Variants in MYRFL observed in about 807,000 individuals in gnomAD.
The protein encoded by MYRFL is myelin regulatory factor-like protein.
Under a neutral mutation model 109.4 loss-of-function variants are expected in MYRFL, and 88 were observed. The observed-to-expected ratio is 0.80, with a 90% CI of 0.68 to 0.96. The LOEUF (loss-of-function observed/expected upper bound fraction) is 0.96, where lower values mean the gene tolerates loss of function less well. Ranked by LOEUF, MYRFL falls within the 40% of genes least tolerant of loss-of-function variation. MYRFL has a pLI of 0.00. For missense variants in MYRFL, 957 were observed against 954.9 expected, an observed-to-expected ratio of 1.00 and a Z score of -0.03; for synonymous variants, 324 against 320.9, an observed-to-expected ratio of 1.01 and a Z score of -0.10.
At chr12:69,948,620 T>C (rs1236120040) in intron 19 of MYRFL, among the ~76,000 whole-genome samples, 3 of 152,210 alleles carry the variant, frequency 2.0e-5, no homozygotes, top group African/African-American at 7.2e-5. Flanking sequence ...AAACTAATAG[T>C]AGAGACGTGT....
intron 1 of MYRFL, among the ~76,000 whole-genome samples, chr12:69,839,546 T>A (rs538371924): frequency 5.9e-5 from 9 of 152,358 alleles, no homozygotes; most frequent in African/African-American, 1.9e-4. Context: ...CAGGAACACG[T>A]ACATTATGTT....
intron 1 of MYRFL, among the ~76,000 whole-genome samples, chr12:69,840,024 A>G (rs1410479644): frequency 1.3e-5 from 2 of 152,194 alleles, no homozygotes; most frequent in African/African-American, 2.4e-5. Flanking sequence ...TAAAAGACCC[A>G]TGTCTTTGTC....
intron 13 of MYRFL, among the ~76,000 whole-genome samples, chr12:69,912,723 T>C (rs989935653): frequency 5.3e-5 from 8 of 152,224 alleles, no homozygotes; most frequent in Admixed American, 3.9e-4. Flanking sequence ...CTTGGGTTGC[T>C]TCCATGTTTT....
At chr12:69,841,259 T>C (rs554643907) in intron 1 of MYRFL, among the ~76,000 whole-genome samples, 2 of 152,294 alleles carry the variant, frequency 1.3e-5, no homozygotes, top group South Asian at 4.1e-4. Flanking sequence ...TTCTCTCATA[T>C]TTGCTATTTC....
At position 69,825,542 on chromosome 12, in the gene MYRFL, G is replaced by T. The variant is rs1286497661; in HGVS notation, c.25G>T (p.Ala9Ser). Reference sequence around the variant, plus strand: ...CATGGATGTGGTAGGCGAAAATGAGGCCCTGCAGCAGTTCTTTGAAGGTAA... The same window carrying T: ...CATGGATGTGGTAGGCGAAAATGAGTCCCTGCAGCAGTTCTTTGAAGGTAA... MDVVGENE[A>S]LQQFFEAQGA... Residue 9 changes from alanine (A) to serine (S), a missense_variant, in exon 1 of 25, where the codon GCC (alanine) becomes TCC (serine). Ala to Ser is a moderately conservative substitution (Grantham distance 99). Transcript: ENST00000552032. 7 of 701,952 alleles carry T rather than the reference G, an allele frequency of 1.0e-5. No homozygotes were observed. The East Asian group carries it at 1.9e-4, about 19-fold the overall frequency. 43.5% of individuals were successfully genotyped at this position (701,952 alleles called of 1,614,324 possible).
At chr12:69,899,181 G>A (rs978402265) in intron 10 of MYRFL, among the ~76,000 whole-genome samples, 1 of 152,114 alleles carries the variant, frequency 6.6e-6, no homozygotes, top group Non-Finnish European at 1.5e-5. Flanking sequence ...TACCCTAACA[G>A]CATTGAGAAG....
At chr12:69,936,021 A>C (rs1592864030) in intron 16 of MYRFL, 92 bp from the exon 17 acceptor site, 2 of 1,412,774 alleles carry the variant, frequency 1.4e-6, no homozygotes, top group East Asian at 2.5e-5. Context: ...CTGTGAGAGT[A>C]CATCTCTGGC....
intron 10 of MYRFL, among the ~76,000 whole-genome samples, chr12:69,903,280 C>A (rs1046567049): frequency 6.6e-6 from 1 of 152,118 alleles, no homozygotes; most frequent in Non-Finnish European, 1.5e-5. Flanking sequence ...ATATAATGTT[C>A]TGATTTTAAA....
At chr12:69,909,483 A>G (rs979133352) in intron 11 of MYRFL, among the ~76,000 whole-genome samples, 1 of 152,194 alleles carries the variant, frequency 6.6e-6, no homozygotes, top group Admixed American at 6.5e-5. Flanking sequence ...TTGTAATTCT[A>G]TTATGTTCCA....
rs562481558 is a variant in MYRFL, at chr12:69,886,617, C to A, written c.557-203C>A. 8.5e-5 allele frequency among the ~76,000 whole-genome samples: 13 copies of A among 152,152 alleles called. No individual in the cohort carries two copies. In the South Asian group the frequency reaches 2.5e-3, roughly 29 times the overall value. ...AAGTTTCCAACAGGTGTTTACCCCC[C>A]ACCCTTTGACAACGCTGACCCCAGG... On this transcript the variant is annotated intron_variant, in intron 5 of 24. Coordinates refer to ENST00000552032, the MANE Select transcript of MYRFL (RefSeq NM_182530.3).
At chr12:69,830,663 C>T (rs1335997185) in intron 1 of MYRFL, among the ~76,000 whole-genome samples, 2 of 152,036 alleles carry the variant, frequency 1.3e-5, no homozygotes, top group Non-Finnish European at 2.9e-5. Flanking sequence ...ATTATCTGAA[C>T]ATTTCTATGA....
chr12:69,905,929 CT>C (rs1424454441), intron 11 of MYRFL, among the ~76,000 whole-genome samples: 1 of 152,116 alleles, frequency 6.6e-6, no homozygotes, highest in East Asian at 1.9e-4. Context: ...GTTTTTGCAA[CT>C]TTTAAAAAGA....
Position 69,936,121 on chromosome 12 carries a change from C to T in MYRFL, c.1925C>T (p.Thr642Met), listed in dbSNP as rs543632642. 30 of 398,680 alleles carry T rather than the reference C, an allele frequency of 7.5e-5. No homozygotes were observed. Among genetic ancestry groups the T allele is most frequent in the East Asian group, 3.3e-4 (3 of 9,076 alleles). 24.7% of individuals were successfully genotyped at this position (398,680 alleles called of 1,614,324 possible). The change falls in exon 17 of 25, where the codon ACG (threonine) becomes ATG (methionine). Residue 642 changes from threonine to methionine, a missense_variant. Physicochemically the swap from Thr to Met is moderately conservative, Grantham distance 81. Coordinates refer to ENST00000552032, the MANE Select transcript of MYRFL (RefSeq NM_182530.3). ...LIAVMAFCAL[T>M]IVALYILSLK... ...TTTTTTTTTTTTGACAGTGCTTTGA[C>T]GATAGTTGCCCTCTATATACTTAGC...
chr12:69,943,555 T>C (rs1362992692), intron 19 of MYRFL, among the ~76,000 whole-genome samples: 2 of 151,388 alleles, frequency 1.3e-5, no homozygotes, highest in African/African-American at 2.4e-5. Flanking sequence ...AAGACTTACA[T>C]GTTAGACCTA....
intron 11 of MYRFL, among the ~76,000 whole-genome samples, chr12:69,907,363 A>G (rs757628891): frequency 1.3e-5 from 2 of 152,168 alleles, no homozygotes; most frequent in African/African-American, 2.4e-5. Flanking sequence ...CAGTTTAGAA[A>G]CCAGGGACCA....
chr12:69,949,781 G>C (rs1955931809), intron 19 of MYRFL, among the ~76,000 whole-genome samples: 1 of 151,996 alleles, frequency 6.6e-6, no homozygotes, highest in South Asian at 2.1e-4. Context: ...TAGACTTTAA[G>C]CTCAATTTTT....
At chr12:69,840,979 G>C (rs140497911) in intron 1 of MYRFL, among the ~76,000 whole-genome samples, 1 of 152,184 alleles carries the variant, frequency 6.6e-6, no homozygotes, top group Non-Finnish European at 1.5e-5. Flanking sequence ...CATGTCATGT[G>C]AAAGTCCAGC....
chr12:69,854,103 GGGAGGCC>G (rs1312034381), intron 1 of MYRFL, among the ~76,000 whole-genome samples: 1 of 152,224 alleles, frequency 6.6e-6, no homozygotes, highest in African/African-American at 2.4e-5. Flanking sequence ...CCGGCACCTC[GGGAGGCC>G]GAGGCGGGCA....
chr12:69,875,282 T>A (rs1045190173), intron 2 of MYRFL, among the ~76,000 whole-genome samples: 6 of 152,072 alleles, frequency 3.9e-5, no homozygotes, highest in African/African-American at 7.2e-5. Context: ...ATAATTTTTT[T>A]AAATTTTTAT....
Sources: allele counts gnomAD v4.1 joint callset (sites outside exome capture counted in the v4.1 genomes callset), GRCh38; gene constraint gnomAD v4.1.1; transcripts MANE v1.5; gene names NCBI Gene and HGNC (gene_info 2026-07-23, HGNC 2026-07-21).